The following INTS9 variants were observed in gnomAD, a reference collection of about 807,000 sequenced individuals.
INTS9 encodes integrator complex subunit 9.
INTS9 carries 55 observed loss-of-function variants against 79.7 expected under a neutral mutation model. The observed-to-expected ratio is 0.69, with a 90% confidence interval of 0.56 to 0.86. The LOEUF (loss-of-function observed/expected upper bound fraction) is 0.86, where lower values mean the gene tolerates loss of function less well. Ranked by LOEUF, INTS9 falls within the 40% of genes least tolerant of loss-of-function variation. The probability of loss-of-function intolerance (pLI) is 0.00; values close to 1 mark genes in which losing one functional copy is unlikely to be tolerated. For synonymous variants in INTS9, 319 were observed against 325.2 expected (o/e 0.98, Z 0.20); for missense variants, 721 against 831.5 (o/e 0.87, Z 1.64).
At chr8:28,849,567 A>C (rs1178831221) in intron 3 of INTS9, among the ~76,000 whole-genome samples, 1 of 151,958 alleles carries the variant, frequency 6.6e-6, no homozygotes, top group Non-Finnish European at 1.5e-5. Context: ...ATCACAGATC[A>C]TAGTGTCGGA....
At position 28,778,534 on chromosome 8, in the gene INTS9, C is replaced by T. The variant is rs534523655; in HGVS notation, c.1271-581G>A. On this transcript the variant is annotated intron_variant, in intron 12 of 16. Coordinates refer to ENST00000521022, the MANE Select transcript of INTS9 (RefSeq NM_018250.4). ...AAGCGCACGGCCCCGCCTCCAGGCC[C>T]GTGAATGGTCTGTAGACTGAGACTG... Among the ~76,000 whole-genome samples, 10 of 152,266 alleles carry T rather than the reference C, an allele frequency of 6.6e-5. No individual in the cohort carries two copies. The East Asian group carries it at 1.5e-3, about 24-fold the overall frequency.
At position 28,768,320 on chromosome 8, in the gene INTS9, A is replaced by G. The variant is rs558686902; in HGVS notation, c.1803T>C (p.His601=). The G allele has an allele frequency of 1.5e-4, 240 of 1,613,092 alleles. 2 individuals carry two copies. The South Asian group carries it at 2.5e-3, about 17-fold the overall frequency. ...VEQFVQTLEK[H]GFSDIKVEDT... is the part of the protein sequence containing the mutation. Reference sequence around the variant, plus strand: ...CCTCCACCTTAATATCACTGAAGCCATGCTGCTCCAGAAGAAAAGAAAGAG... The same window carrying G: ...CCTCCACCTTAATATCACTGAAGCCGTGCTGCTCCAGAAGAAAAGAAAGAG... Residue 601 remains histidine, a splice_region_variant and synonymous_variant, in exon 17 of 17, where the codon CAT becomes CAC. Transcript: ENST00000521022.
chr8:28,776,838 C>T lies in INTS9; in HGVS notation c.1396-912G>A, dbSNP rs931488275. On this transcript the variant is annotated intron_variant, in intron 13 of 16. Coordinates refer to ENST00000521022, the MANE Select transcript of INTS9 (RefSeq NM_018250.4). ...CCAGGATTAGCACCTGACAGAGGGGCGTCAAGAGCTGGTTTAGGGACTGGG... is the reference window on the plus strand; with the variant it reads ...CCAGGATTAGCACCTGACAGAGGGGTGTCAAGAGCTGGTTTAGGGACTGGG... 8.5e-5 allele frequency among the ~76,000 whole-genome samples: 13 copies of T among 152,092 alleles called. No individual in the cohort carries two copies. The East Asian group carries it at 2.3e-3, about 27-fold the overall frequency.
At chr8:28,807,541 C>G (rs1488152658) in intron 8 of INTS9, among the ~76,000 whole-genome samples, 1 of 152,128 alleles carries the variant, frequency 6.6e-6, no homozygotes, top group Non-Finnish European at 1.5e-5. Context: ...TGTAATCAAG[C>G]AAGATTTATC....
chr8:28,869,082 A>G (rs1808927377), intron 1 of INTS9, among the ~76,000 whole-genome samples: 1 of 152,148 alleles, frequency 6.6e-6, no homozygotes, highest in Non-Finnish European at 1.5e-5. Flanking sequence ...CTACAGAATG[A>G]GACTTCTGTC....
chr8:28,775,776 T>C lies in INTS9; in HGVS notation c.1546A>G (p.Ile516Val). Residue 516 changes from isoleucine (I) to valine (V), a missense_variant, in exon 14 of 17, where the codon ATC (isoleucine) becomes GTC (valine). Physicochemically the swap from Ile to Val is conservative, Grantham distance 29. Transcript: ENST00000521022. The stretch of plus-strand genomic sequence containing the variant: ...CAGCTCACCTCTGGCATGATCTCGA[T>C]CTTCTCGTACCGACGTTTGAAGGGC... ...ALPFKRRYEK[I>V]EIMPELADSL... The C allele has an allele frequency of 1.2e-6, 2 of 1,614,072 alleles. No homozygotes were observed. The highest frequency in any genetic ancestry group is 1.7e-6 in the Non-Finnish European group (2 of 1,180,012).
At chr8:28,806,954 T>A (rs1450462303) in intron 8 of INTS9, among the ~76,000 whole-genome samples, 1 of 151,246 alleles carries the variant, frequency 6.6e-6, no homozygotes, top group African/African-American at 2.4e-5. Context: ...ACAGAGTAAA[T>A]CCAAAGTAAA....
At chr8:28,845,261 T>A (rs1263140163) in intron 4 of INTS9, among the ~76,000 whole-genome samples, 3 of 152,220 alleles carry the variant, frequency 2.0e-5, no homozygotes, top group Admixed American at 1.3e-4. Flanking sequence ...GGATTGGGAC[T>A]AAGGCTGCAT....
chr8:28,881,621 T>G (rs1585535029), intron 1 of INTS9, among the ~76,000 whole-genome samples: 5 of 95,604 alleles, frequency 5.2e-5, no homozygotes, highest in Non-Finnish European at 1.1e-4. Flanking sequence ...GTCCGGGAGG[T>G]GAGGGGCGCC....
chr8:28,793,194 T>G (rs926247776), intron 10 of INTS9, among the ~76,000 whole-genome samples: 1 of 152,204 alleles, frequency 6.6e-6, no homozygotes, highest in African/African-American at 2.4e-5. Context: ...CCGGAACGTT[T>G]GGGAAGCACC....
At chr8:28,844,471 C>T (rs751602463) in intron 4 of INTS9, among the ~76,000 whole-genome samples, 3 of 151,944 alleles carry the variant, frequency 2.0e-5, no homozygotes, top group African/African-American at 4.8e-5. Flanking sequence ...GCCAGGAAGG[C>T]GGAGGTTGCA....
chr8:28,809,075 G>T (rs930657856), intron 8 of INTS9, among the ~76,000 whole-genome samples: 1 of 151,648 alleles, frequency 6.6e-6, no homozygotes, highest in Admixed American at 6.6e-5. Context: ...TCAGCCTCCC[G>T]AGTAGCTGGG....
intron 8 of INTS9, chr8:28,810,081 T>A (rs1031255787): frequency 4.6e-5 from 7 of 152,250 alleles, no homozygotes; most frequent in African/African-American, 1.7e-4. Context: ...TTTCTTTCTT[T>A]CTTTACTGAT....
intron 1 of INTS9, among the ~76,000 whole-genome samples, chr8:28,885,953 A>G (rs143663889): frequency 6.6e-6 from 1 of 152,358 alleles, no homozygotes; most frequent in African/African-American, 2.4e-5. Flanking sequence ...AATATTGCAT[A>G]TTATAAATAC....
chr8:28,884,022 T>C (rs1343258567), intron 1 of INTS9, among the ~76,000 whole-genome samples: 3 of 152,154 alleles, frequency 2.0e-5, no homozygotes, highest in African/African-American at 4.8e-5. Flanking sequence ...AAAACAAATA[T>C]GCTACTGTGG....
At chr8:28,820,751 A>C (rs1805783643) in intron 6 of INTS9, among the ~76,000 whole-genome samples, 1 of 152,188 alleles carries the variant, frequency 6.6e-6, no homozygotes, top group African/African-American at 2.4e-5. Context: ...CTGAAGACTG[A>C]GTTTCAGACA....
At chr8:28,852,757 T>C (rs920636334) in intron 2 of INTS9, among the ~76,000 whole-genome samples, 1 of 152,216 alleles carries the variant, frequency 6.6e-6, no homozygotes, top group African/African-American at 2.4e-5. Context: ...TTTTGAGGTG[T>C]TGTGGTTTAA....
chr8:28,781,770 A>C (rs1585341962), intron 11 of INTS9, among the ~76,000 whole-genome samples: 1 of 152,194 alleles, frequency 6.6e-6, no homozygotes, highest in East Asian at 1.9e-4. Context: ...GTCACCAGGG[A>C]TTCGTGGAGA....
At chr8:28,875,350 T>G (rs760845668) in intron 1 of INTS9, among the ~76,000 whole-genome samples, 2 of 152,220 alleles carry the variant, frequency 1.3e-5, no homozygotes, top group Non-Finnish European at 2.9e-5. Flanking sequence ...TTCTCCAAAT[T>G]ATTTTTACTT....
Sources: allele counts gnomAD v4.1 joint callset (sites outside exome capture counted in the v4.1 genomes callset), GRCh38; gene constraint gnomAD v4.1.1; transcripts MANE v1.5; gene names NCBI Gene and HGNC (gene_info 2026-07-23, HGNC 2026-07-21).